RNF43: variants seen among roughly 807,000 people sequenced by gnomAD.
RNF43 encodes the protein E3 ubiquitin-protein ligase RNF43.
RNF43 carries 37 observed loss-of-function variants against 78.4 expected under a neutral mutation model. The observed-to-expected ratio is 0.47, with a 90% CI of 0.36 to 0.62. The LOEUF is 0.62. Ranked by LOEUF, RNF43 falls within the 20% of genes least tolerant of loss-of-function variation. RNF43 has a pLI of 0.00. For missense variants in RNF43, 774 were observed against 1,007.9 expected (o/e 0.77, Z 3.14); for synonymous variants, 347 against 395.0 (o/e 0.88, Z 1.44).
At chr17:58,400,689 T>A (rs961949982) in intron 2 of RNF43, among the ~76,000 whole-genome samples, 1 of 152,228 alleles carries the variant, frequency 6.6e-6, no homozygotes, top group South Asian at 2.1e-4. Flanking sequence ...CTGTAGGATG[T>A]CGCTCCTCAT....
In RNF43 at chr17:58,358,675, A is replaced by G. The variant is rs1471535049; in HGVS notation, c.1101T>C (p.Ala367=). 8 of 1,529,198 alleles carry G rather than the reference A, an allele frequency of 5.2e-6. No individual in the cohort carries two copies. The South Asian group carries it at 1.0e-4, about 19-fold the overall frequency. 94.7% of individuals were successfully genotyped at this position (1,529,198 alleles called of 1,614,324 possible). ...GGAAGGGACCAGGTCGTGGGGGCCG[A>G]GCCACTGCACTCCGGGAAGGGCCCA... ...YLLGPSRSAV[A]RPPRPGPFLP... is the part of the protein sequence containing the mutation. Residue 367 remains alanine, a synonymous_variant, in exon 9 of 10, where the codon GCT becomes GCC. Transcript: ENST00000407977. This position sits in a 1 kb window ranked among gnomAD's most constrained non-coding sequence, Gnocchi z 6.2.
intron 2 of RNF43, among the ~76,000 whole-genome samples, chr17:58,378,264 CTATT>C (rs1400160819): frequency 6.6e-6 from 1 of 152,028 alleles, no homozygotes; most frequent in Non-Finnish European, 1.5e-5. Flanking sequence ...TTATTTTACT[CTATT>C]TATTTTTGAG....
rs117711830 is a variant in RNF43, at chr17:58,384,739, G to A, written c.253-13706C>T. Among the ~76,000 whole-genome samples, 916 of 152,258 alleles carry A rather than the reference G, an allele frequency of 6.0e-3. 5 individuals are homozygous for A. The highest frequency in any genetic ancestry group is 9.6e-3 in the African/African-American group (398 of 41,560). On this transcript the variant is annotated intron_variant, in intron 2 of 9. Coordinates refer to ENST00000407977, the MANE Select transcript of RNF43 (RefSeq NM_017763.6). ...GCACAGAGTAAAAGGGCAGAAGCACGGACATAACAAGAGCTTTCTTGGGAA... is the reference window on the plus strand; with the variant it reads ...GCACAGAGTAAAAGGGCAGAAGCACAGACATAACAAGAGCTTTCTTGGGAA...
At chr17:58,406,105 C>G (rs145042218) in intron 2 of RNF43, among the ~76,000 whole-genome samples, 2 of 152,134 alleles carry the variant, frequency 1.3e-5, no homozygotes, top group Non-Finnish European at 2.9e-5. Flanking sequence ...ACATGCACCA[C>G]GTAAAGTATT....
intron 2 of RNF43, among the ~76,000 whole-genome samples, chr17:58,374,670 C>T (rs1281820483): frequency 6.6e-6 from 1 of 152,166 alleles, no homozygotes; most frequent in Non-Finnish European, 1.5e-5. Flanking sequence ...GGATTACAGG[C>T]ATGAGCCACC....
At position 58,354,433 on chromosome 17, in the gene RNF43, G is replaced by C; in HGVS notation, c.*510C>G. The C allele has an allele frequency of 4.1e-6, 1 of 243,072 alleles. No homozygotes were observed. The highest frequency in any genetic ancestry group is 8.2e-6 in the Non-Finnish European group (1 of 121,906). 15.1% of individuals were successfully genotyped at this position (243,072 alleles called of 1,614,324 possible). The stretch of plus-strand genomic sequence containing the variant: ...CAAAAAAGGAAAATGATAGAGCCAG[G>C]GTTGCCCCTGATGTAGCAGCCTTAC... On this transcript the variant is annotated 3_prime_UTR_variant, in exon 10 of 10. Coordinates refer to ENST00000407977, the MANE Select transcript of RNF43 (RefSeq NM_017763.6).
intron 4 of RNF43, 37 bp downstream of exon 4, chr17:58,363,489 C>A (rs780946287): frequency 1.2e-6 from 2 of 1,611,540 alleles, no homozygotes; most frequent in Non-Finnish European, 1.7e-6. Flanking sequence ...TTCCTCCATC[C>A]AGCCCCCACC....
intron 2 of RNF43, among the ~76,000 whole-genome samples, chr17:58,376,896 C>A (rs1422172469): frequency 6.6e-6 from 1 of 152,186 alleles, no homozygotes; most frequent in Non-Finnish European, 1.5e-5. Context: ...AATTAAGAGG[C>A]ACTTGCTTTC....
chr17:58,361,767 T>C (rs1972838429), intron 6 of RNF43, among the ~76,000 whole-genome samples: 1 of 152,170 alleles, frequency 6.6e-6, no homozygotes, highest in Non-Finnish European at 1.5e-5. Context: ...TCAGATACAC[T>C]AGACACATTT....
At chr17:58,416,360 TACAGG>T (rs1379570248) in intron 1 of RNF43, 3 of 152,224 alleles carry the variant, frequency 2.0e-5, no homozygotes, top group Admixed American at 6.5e-5. Flanking sequence ...CTTCACACAT[TACAGG>T]ATAATCCTGA....
chr17:58,376,568 A>G (rs1973209318), intron 2 of RNF43, among the ~76,000 whole-genome samples: 1 of 152,192 alleles, frequency 6.6e-6, no homozygotes, highest in African/African-American at 2.4e-5. Context: ...CAGCATTGGC[A>G]TTCCCTGGGT....
intron 2 of RNF43, among the ~76,000 whole-genome samples, chr17:58,371,246 C>T (rs1317156619): frequency 6.6e-6 from 1 of 152,148 alleles, no homozygotes; most frequent in Non-Finnish European, 1.5e-5. Context: ...GTAGTGGAGG[C>T]AGATAGGAGG....
In RNF43 at chr17:58,360,598, T is replaced by C. The variant is rs1972814300; in HGVS notation, c.849+185A>G. On this transcript the variant is annotated intron_variant, in intron 7 of 9. Coordinates refer to ENST00000407977, the MANE Select transcript of RNF43 (RefSeq NM_017763.6). The surrounding 1 kb of genome is among the most constrained non-coding windows in gnomAD (Gnocchi z 4.3). ...GTACACTCTCAACAAACAATAGTGC[T>C]CTTTCACTGGAAGGTCAGAAAAGTG... Among the ~76,000 whole-genome samples the C allele has an allele frequency of 6.6e-6, 1 of 152,168 alleles. No homozygotes were observed.
rs1466396311 is a variant in RNF43 at position 58,415,497 on chromosome 17, G to A, written c.81C>T (p.Arg27=). ...LMATLQAGFG[R]TGLVLAAAVE... is the part of the protein sequence containing the mutation. ...CCGCTGCTGCCAGTACCAGTCCTGT[G>A]CGTCCAAAGCCTGCCTGCAGGGTAG... Residue 27 remains arginine, a synonymous_variant, in exon 2 of 10, where the codon CGC becomes CGT. Coordinates refer to ENST00000407977, the MANE Select transcript of RNF43 (RefSeq NM_017763.6). The A allele has an allele frequency of 6.2e-7, 1 of 1,613,196 alleles. No homozygotes were observed. The highest frequency in any genetic ancestry group is 8.5e-7 in the Non-Finnish European group (1 of 1,180,034).
At chr17:58,363,054 A>C (rs1972873103) in intron 5 of RNF43, 1 of 587,510 alleles carries the variant, frequency 1.7e-6, no homozygotes, top group Admixed American at 3.1e-5. Context: ...CAGAGCTGTA[A>C]AGAACTTTAG....
chr17:58,360,214 C>CATCACACAGGGGTCCACA lies in RNF43; in HGVS notation c.886_887insTGTGGACCCCTGTGTGAT (p.Arg296delinsLeuTrpThrProValTer). 1 of 1,614,048 alleles carries CATCACACAGGGGTCCACA rather than the reference C, an allele frequency of 6.2e-7. No homozygotes were observed. Among genetic ancestry groups the CATCACACAGGGGTCCACA allele is most frequent in the South Asian group, 1.1e-5 (1 of 91,084 alleles). On this transcript the variant is annotated stop_gained and protein_altering_variant, in exon 8 of 10. Transcript: ENST00000407977. LOFTEE classifies it high-confidence loss of function. The surrounding 1 kb of genome is among the most constrained non-coding windows in gnomAD (Gnocchi z 4.3). ...ATGTAACCAGGGGTCCACACAGTTA[C>CATCACACAGGGGTCCACA]GATGGAACTCATGGAGGCAGGAAAT...
At chr17:58,378,374 C>T (rs1271024494) in intron 2 of RNF43, among the ~76,000 whole-genome samples, 3 of 152,026 alleles carry the variant, frequency 2.0e-5, no homozygotes, top group Non-Finnish European at 4.4e-5. Flanking sequence ...CCTCCTGCCT[C>T]AGCCTCCTGA....
intron 2 of RNF43, among the ~76,000 whole-genome samples, chr17:58,373,744 T>C (rs1598143574): frequency 6.6e-6 from 1 of 152,228 alleles, no homozygotes; most frequent in East Asian, 1.9e-4. Flanking sequence ...CATTGTACTA[T>C]CAAATACTAG....
chr17:58,410,636 T>C (rs988470897), intron 2 of RNF43, among the ~76,000 whole-genome samples: 16 of 152,244 alleles, frequency 1.1e-4, no homozygotes, highest in Non-Finnish European at 1.9e-4. Context: ...TCAGTGTTTA[T>C]TATTTCAGGT....
Sources: gnomAD v4.1 joint callset for allele counts (sites outside exome capture counted in the v4.1 genomes callset) on GRCh38, gnomAD v4.1.1 for gene constraint, Gnocchi (gnomAD v3.1) non-coding constraint, MANE v1.5 for transcripts, NCBI Gene and HGNC (gene_info 2026-07-23, HGNC 2026-07-21) for gene names.